Variants in TENM1 observed in about 807,000 individuals in gnomAD.
The protein encoded by TENM1 is teneurin-1.
TENM1 carries 35 observed loss-of-function variants against 174.8 expected under a neutral mutation model. The observed-to-expected ratio is 0.20, with a 90% CI of 0.15 to 0.27. The LOEUF is 0.27. Ranked by LOEUF, TENM1 falls within the 10% of genes least tolerant of loss-of-function variation. The probability of loss-of-function intolerance (pLI) is 1.00; values close to 1 mark genes in which losing one functional copy is unlikely to be tolerated. For synonymous variants in TENM1, 781 were observed against 798.7 expected (o/e 0.98, Z 0.37); for missense variants, 1,633 against 2,130.1 (o/e 0.77, Z 4.59).
the TENM1 span, among the ~76,000 whole-genome samples, chrX:125,071,941 T>A: frequency 9.0e-6 from 1 of 111,281 alleles, no homozygotes; most frequent in Non-Finnish European, 1.9e-5. Context: ...TAATAAACTA[T>A]AAGATATTAA....
intron 3 of TENM1, among the ~76,000 whole-genome samples, chrX:124,746,792 T>C (rs1288308804): frequency 9.0e-6 from 1 of 110,927 alleles, no homozygotes; most frequent in African/African-American, 3.3e-5. Context: ...TACTGATCTA[T>C]TGATATAGAT....
intron 20 of TENM1, among the ~76,000 whole-genome samples, chrX:124,494,499 A>C (rs1376381171): frequency 1.4e-5 from 1 of 73,682 alleles, no homozygotes; most frequent in Admixed American, 1.2e-4. Flanking sequence ...CTTTTCTTTT[A>C]TTTATTTATT....
intron 3 of TENM1, among the ~76,000 whole-genome samples, chrX:124,760,120 A>T (rs1197105586): frequency 1.8e-5 from 2 of 111,579 alleles, no homozygotes; most frequent in Non-Finnish European, 3.8e-5. Flanking sequence ...GAGGAGCCCA[A>T]CCTCTCCTGT....
intron 3 of TENM1, among the ~76,000 whole-genome samples, chrX:124,777,405 G>A (rs2054810381): frequency 9.0e-6 from 1 of 111,327 alleles, no homozygotes; most frequent in Non-Finnish European, 1.9e-5. Context: ...GGTCCTTATA[G>A]CCCTGAGTTT....
At chrX:124,539,835 G>C (rs1303499436) in intron 15 of TENM1, among the ~76,000 whole-genome samples, 1 of 112,053 alleles carries the variant, frequency 8.9e-6, no homozygotes, top group African/African-American at 3.2e-5. Flanking sequence ...GTCATCAATA[G>C]TCTCCAGTGT....
the TENM1 span, among the ~76,000 whole-genome samples, chrX:124,970,434 A>G: frequency 8.9e-6 from 1 of 112,228 alleles, no homozygotes; most frequent in Non-Finnish European, 1.9e-5. Context: ...CTTTGGAATT[A>G]TTACAATAAT....
the TENM1 span, among the ~76,000 whole-genome samples, chrX:125,200,564 A>G: frequency 9.1e-6 from 1 of 110,001 alleles, no homozygotes; most frequent in Non-Finnish European, 1.9e-5. Flanking sequence ...ACAAATATAT[A>G]TAATTTTAAT....
intron 3 of TENM1, among the ~76,000 whole-genome samples, chrX:124,782,705 C>T (rs1018028713): frequency 3.3e-4 from 37 of 110,523 alleles, no homozygotes; most frequent in African/African-American, 1.2e-3. Flanking sequence ...TTAAAAAAAT[C>T]TATGTCATAG....
intron 1 of TENM1, among the ~76,000 whole-genome samples, chrX:124,897,798 GAGT>G (rs1369678708): frequency 8.9e-6 from 1 of 112,274 alleles, no homozygotes; most frequent in Non-Finnish European, 1.9e-5. Flanking sequence ...AATTCCAAAG[GAGT>G]AGTATTCAAA....
intron 3 of TENM1, among the ~76,000 whole-genome samples, chrX:124,885,979 A>G (rs1325450255): frequency 8.9e-6 from 1 of 111,986 alleles, no homozygotes; most frequent in African/African-American, 3.2e-5. Context: ...AAAAGTGAAA[A>G]GATGGACAGT....
At chrX:125,034,777 G>T in the TENM1 span, among the ~76,000 whole-genome samples, 1 of 111,675 alleles carries the variant, frequency 9.0e-6, no homozygotes, top group African/African-American at 3.2e-5. Context: ...ACTAGATATT[G>T]GATGTCTAGT....
chrX:124,582,872 G>T (rs2049362662), intron 11 of TENM1, among the ~76,000 whole-genome samples: 1 of 112,435 alleles, frequency 8.9e-6, no homozygotes, highest in African/African-American at 3.2e-5. Flanking sequence ...CGGCACACCA[G>T]GAGATTATAT....
At chrX:125,048,759 G>A in the TENM1 span, among the ~76,000 whole-genome samples, 36 of 111,193 alleles carry the variant, frequency 3.2e-4, no homozygotes, top group Non-Finnish European at 6.0e-4. Context: ...GGTCTGCTGT[G>A]CTTTGTATGG....
chrX:125,028,428 G>A, the TENM1 span, among the ~76,000 whole-genome samples: 1 of 111,800 alleles, frequency 8.9e-6, no homozygotes, highest in Non-Finnish European at 1.9e-5. Context: ...ACTAATGCAG[G>A]AACAGAAAAC....
chrX:125,200,678 A>AGAGAGAGAGAGAGAGAGAGAGAGAG, the TENM1 span, among the ~76,000 whole-genome samples: 3 of 106,706 alleles, frequency 2.8e-5, no homozygotes, highest in Admixed American at 1.0e-4. Flanking sequence ...AGAGAGAGAG[A>AGAGAGAGAGAGAGAGAGAGAGAGAG]ACAAATATGA....
In TENM1 at chrX:124,554,116, A is replaced by C. The variant is rs187196450; in HGVS notation, c.2435-7026T>G. ...AGAGCGAGACTCCATCCTCCCCCCC[A>C]AAAAATGAACATTCATTATATATTT... is the stretch of plus-strand genomic sequence containing the variant. On this transcript the variant is annotated intron_variant, in intron 14 of 31. Coordinates refer to ENST00000422452, the Ensembl canonical transcript of TENM1. Among the ~76,000 whole-genome samples, 854 of 111,602 alleles carry C rather than the reference A, an allele frequency of 7.7e-3. 3 individuals carry two copies. Among genetic ancestry groups the C allele is most frequent in the Non-Finnish European group, 0.013 (681 of 53,100 alleles).
intron 15 of TENM1, among the ~76,000 whole-genome samples, chrX:124,531,529 T>G (rs2148074525): frequency 8.9e-6 from 1 of 112,448 alleles, no homozygotes; most frequent in East Asian, 2.8e-4. Context: ...AGCCATTAAG[T>G]ATTACGCAAA....
chrX:124,645,488 CAG>C, intron 9 of TENM1, 151 bp from the exon 13 acceptor site: 5 of 474,192 alleles, frequency 1.1e-5, no homozygotes. Flanking sequence ...TGATTACAAA[CAG>C]AATTTTCCTC....
At chrX:124,728,580 C>G (rs759967330) in intron 4 of TENM1, among the ~76,000 whole-genome samples, 1 of 111,259 alleles carries the variant, frequency 9.0e-6, no homozygotes, top group African/African-American at 3.3e-5. Context: ...GAAATTTCGA[C>G]TTTCCCCCCT....
Sources: allele counts gnomAD v4.1 joint callset (sites outside exome capture counted in the v4.1 genomes callset), GRCh38; gene constraint gnomAD v4.1.1; transcripts MANE v1.5; gene names NCBI Gene and HGNC (gene_info 2026-07-23, HGNC 2026-07-21).